The following CTNNA3 variants were observed in gnomAD, a reference collection of about 807,000 sequenced individuals.
CTNNA3 encodes the protein catenin alpha-3.
In CTNNA3, 76 loss-of-function variants were observed where a neutral mutation model predicts 95.7. The observed-to-expected ratio is 0.79, with a 90% CI of 0.66 to 0.96. The LOEUF is 0.96. Among genes scored for constraint, CTNNA3 ranks in the 40% least tolerant of loss-of-function variants. CTNNA3 has a pLI of 0.00. For synonymous variants in CTNNA3, 431 were observed against 374.4 expected (o/e 1.15, Z -1.74); for missense variants, 1,191 against 1,089.8 (o/e 1.09, Z -1.31).
intron 11 of CTNNA3, among the ~76,000 whole-genome samples, chr10:66,416,539 A>AT (rs35923793): frequency 4.6e-4 from 61 of 132,428 alleles, no homozygotes; most frequent in East Asian, 1.5e-3. Context: ...AAAATAGAGA[A>AT]TTTTTTTTTT....
intron 10 of CTNNA3, among the ~76,000 whole-genome samples, chr10:66,588,770 T>C (rs1228639544): frequency 6.6e-6 from 1 of 152,108 alleles, no homozygotes; most frequent in East Asian, 1.9e-4. Flanking sequence ...CAATATTAGG[T>C]GCATGAAATC....
chr10:67,274,594 G>A (rs1839113611), intron 5 of CTNNA3, among the ~76,000 whole-genome samples: 1 of 152,132 alleles, frequency 6.6e-6, no homozygotes, highest in East Asian at 1.9e-4. Flanking sequence ...TTAGGAGGCT[G>A]AGGCCAGCGG....
upstream of CTNNA3, among the ~76,000 whole-genome samples, chr10:67,700,801 G>C (rs1841032780): frequency 1.3e-5 from 2 of 152,222 alleles, no homozygotes; most frequent in African/African-American, 2.4e-5. Context: ...GTTGAGAGAA[G>C]AAGGCTTCAG....
chr10:66,083,213 G>T (rs1362507930), intron 14 of CTNNA3, among the ~76,000 whole-genome samples: 1 of 152,060 alleles, frequency 6.6e-6, no homozygotes, highest in Non-Finnish European at 1.5e-5. Flanking sequence ...TAACCACATA[G>T]CTTGTCAATT....
At chr10:66,456,509 C>T (rs538175512) in intron 11 of CTNNA3, among the ~76,000 whole-genome samples, 22 of 152,012 alleles carry the variant, frequency 1.4e-4, no homozygotes, top group African/African-American at 4.3e-4. Flanking sequence ...GGTGAAATCC[C>T]GTCTCTACTA....
At chr10:66,298,971 C>T (rs755047784) in intron 12 of CTNNA3, among the ~76,000 whole-genome samples, 6 of 152,178 alleles carry the variant, frequency 3.9e-5, no homozygotes, top group Non-Finnish European at 8.8e-5. Context: ...AGTCATCCCT[C>T]TGCTCATTGA....
intron 7 of CTNNA3, among the ~76,000 whole-genome samples, chr10:66,823,838 T>C (rs939791888): frequency 6.6e-6 from 1 of 152,096 alleles, no homozygotes; most frequent in Admixed American, 6.6e-5. Flanking sequence ...AATGACACAC[T>C]GCTAATAACC....
At chr10:66,520,994 T>A (rs1841047953) in intron 10 of CTNNA3, among the ~76,000 whole-genome samples, 1 of 151,300 alleles carries the variant, frequency 6.6e-6, no homozygotes, top group Non-Finnish European at 1.5e-5. Context: ...AAATGGAATT[T>A]AAAAAAATCT....
intron 5 of CTNNA3, among the ~76,000 whole-genome samples, chr10:67,515,440 T>C (rs1839781419): frequency 6.6e-6 from 1 of 152,194 alleles, no homozygotes; most frequent in Non-Finnish European, 1.5e-5. Flanking sequence ...CTATGTACAA[T>C]TGAATAAAAA....
chr10:67,561,531 A>T (rs2133259166), intron 3 of CTNNA3, among the ~76,000 whole-genome samples: 1 of 136,494 alleles, frequency 7.3e-6, no homozygotes, highest in East Asian at 2.1e-4. Context: ...CACGAGAGAA[A>T]GCAGGAAAGA....
At chr10:67,365,533 AAAAC>A (rs1271001843) in intron 5 of CTNNA3, among the ~76,000 whole-genome samples, 3 of 152,204 alleles carry the variant, frequency 2.0e-5, no homozygotes, top group Non-Finnish European at 2.9e-5. Flanking sequence ...TTACAAGAAA[AAAAC>A]AAACAACCCC....
intron 9 of CTNNA3, among the ~76,000 whole-genome samples, chr10:66,623,259 AAAAAAT>A (rs769436058): frequency 1.3e-5 from 2 of 152,150 alleles, no homozygotes; most frequent in Non-Finnish European, 2.9e-5. Flanking sequence ...GTTTAAAGTA[AAAAAAT>A]AAAAATAAAA....
At chr10:66,515,819 C>A (rs887537648) in intron 11 of CTNNA3, among the ~76,000 whole-genome samples, 3 of 151,998 alleles carry the variant, frequency 2.0e-5, no homozygotes, top group Non-Finnish European at 4.4e-5. Context: ...GAAACCACCC[C>A]TGTGATTCAA....
chr10:66,309,274 G>T (rs2091972986), intron 12 of CTNNA3, among the ~76,000 whole-genome samples: 1 of 152,120 alleles, frequency 6.6e-6, no homozygotes, highest in African/African-American at 2.4e-5. Context: ...TTCACCAAAA[G>T]TTTACCTCAG....
At chr10:67,752,858 G>T (rs1841414447) in intron 1 of CTNNA3, among the ~76,000 whole-genome samples, 2 of 152,144 alleles carry the variant, frequency 1.3e-5, no homozygotes, top group Admixed American at 6.6e-5. Context: ...CATGGTCATG[G>T]ATAGGGAGAA....
intron 8 of CTNNA3, among the ~76,000 whole-genome samples, chr10:66,774,296 A>G (rs1461283407): frequency 6.6e-6 from 1 of 152,100 alleles, no homozygotes; most frequent in Non-Finnish European, 1.5e-5. Flanking sequence ...AAAGGGGAGG[A>G]TCGCTCTGAG....
chr10:67,562,350 A>C (rs974970853), intron 3 of CTNNA3, among the ~76,000 whole-genome samples: 4 of 152,214 alleles, frequency 2.6e-5, no homozygotes, highest in Non-Finnish European at 4.4e-5. Flanking sequence ...CAAATCAATA[A>C]AGGTAATCCA....
chr10:66,270,817 T>G (rs1285248348), intron 13 of CTNNA3, among the ~76,000 whole-genome samples: 1 of 152,076 alleles, frequency 6.6e-6, no homozygotes, highest in Non-Finnish European at 1.5e-5. Flanking sequence ...AGTGGACAGA[T>G]GCCAGAAGCA....
At chr10:66,798,851 T>C (rs1841317005) in intron 7 of CTNNA3, among the ~76,000 whole-genome samples, 1 of 151,678 alleles carries the variant, frequency 6.6e-6, no homozygotes, top group South Asian at 2.1e-4. Context: ...AAAAACCTGC[T>C]AGACAACTAC....
Sources: allele counts gnomAD v4.1 joint callset (sites outside exome capture counted in the v4.1 genomes callset), GRCh38; gene constraint gnomAD v4.1.1; transcripts MANE v1.5; gene names NCBI Gene and HGNC (gene_info 2026-07-23, HGNC 2026-07-21).